The following C4orf17 variants were observed in gnomAD, a reference collection of about 807,000 sequenced individuals.
The protein encoded by C4orf17 is chromosome 4 open reading frame 17.
In C4orf17, 25 loss-of-function variants were observed where a neutral mutation model predicts 32.0. The observed-to-expected ratio is 0.78, with a 90% confidence interval of 0.57 to 1.09. C4orf17 has a LOEUF of 1.09. C4orf17 is among the 50% of genes least tolerant of loss of function. C4orf17 has a pLI of 0.00. For synonymous variants in C4orf17, 149 were observed against 145.8 expected, an observed-to-expected ratio of 1.02 and a Z score of -0.16; for missense variants, 420 against 420.0, an observed-to-expected ratio of 1.00 and a Z score of 0.00.
At chr4:99,523,703 C>A (rs1312513175) in intron 3 of C4orf17, among the ~76,000 whole-genome samples, 2 of 151,960 alleles carry the variant, frequency 1.3e-5, no homozygotes, top group Non-Finnish European at 2.9e-5. Context: ...TCATCTTTTT[C>A]TTTTATCTAT....
intron 2 of C4orf17, among the ~76,000 whole-genome samples, chr4:99,518,546 G>A (rs2851020): frequency 3.4e-5 from 1 of 29,324 alleles, no homozygotes; most frequent in Non-Finnish European, 5.4e-5. Flanking sequence ...TATATATATA[G>A]AGAGAGAGAG....
At chr4:99,528,141 G>T (rs944089397) in intron 4 of C4orf17, among the ~76,000 whole-genome samples, 6 of 152,082 alleles carry the variant, frequency 3.9e-5, no homozygotes, top group Non-Finnish European at 7.4e-5. Flanking sequence ...AAAAATATCT[G>T]CTGGTTCTGT....
chr4:99,535,553 T>C (rs950376883), intron 5 of C4orf17, among the ~76,000 whole-genome samples: 1 of 152,198 alleles, frequency 6.6e-6, no homozygotes, highest in Non-Finnish European at 1.5e-5. Context: ...ACAATTACAT[T>C]GTAAAGTTCT....
rs191974021 is a variant in C4orf17 at position 99,530,220 on chromosome 4, C to A, written c.546+262C>A. Among the ~76,000 whole-genome samples the A allele has an allele frequency of 3.3e-5, 5 of 152,164 alleles. No individual in the cohort carries two copies. In the East Asian group the frequency reaches 9.6e-4, roughly 29 times the overall value. ...TTGGTGTTTATCACACAAACCCAAC[C>A]CTATTCTTTCCATCTTTCGTTATCA... On this transcript the variant is annotated intron_variant, in intron 5 of 8. Coordinates refer to ENST00000326581, the MANE Select transcript of C4orf17 (RefSeq NM_032149.3).
intron 4 of C4orf17, among the ~76,000 whole-genome samples, chr4:99,529,563 G>A (rs1241165646): frequency 6.6e-6 from 1 of 152,062 alleles, no homozygotes; most frequent in Non-Finnish European, 1.5e-5. Flanking sequence ...GTCATACATT[G>A]CATATTACAA....
chr4:99,522,815 T>A lies in C4orf17; in HGVS notation c.337+106T>A, dbSNP rs953246665. 6.0e-6 allele frequency: 5 copies of A among 833,502 alleles called. No individual in the cohort carries two copies. In the African/African-American group the frequency reaches 8.7e-5, roughly 14 times the overall value. 51.6% of individuals were successfully genotyped at this position (833,502 alleles called of 1,614,324 possible). ...TAGCTGCAGTGGTTTTTACATCAAG[T>A]TTCCTCACTGTGAGGAACATAAATT... On this transcript the variant is annotated intron_variant, in intron 3 of 8. Transcript: ENST00000326581.
intron 2 of C4orf17, among the ~76,000 whole-genome samples, chr4:99,514,806 G>T (rs1274316272): frequency 6.6e-6 from 1 of 152,156 alleles, no homozygotes; most frequent in Non-Finnish European, 1.5e-5. Context: ...ACATGTACAT[G>T]CATGTTTATA....
At chr4:99,538,930 G>T (rs1723607916) in intron 6 of C4orf17, among the ~76,000 whole-genome samples, 1 of 152,142 alleles carries the variant, frequency 6.6e-6, no homozygotes, top group African/African-American at 2.4e-5. Flanking sequence ...GCTATTCAGG[G>T]ACAAGTGCCT....
At chr4:99,511,866 T>C (rs114953841) in intron 1 of C4orf17, among the ~76,000 whole-genome samples, 2,845 of 152,286 alleles carry the variant, frequency 0.019, 35 homozygotes, top group Admixed American at 0.026. Context: ...TAGATAGATA[T>C]TTTCTGCATT....
intron 4 of C4orf17, 142 bp from the exon 5 acceptor site, chr4:99,529,673 G>T: frequency 1.8e-6 from 1 of 555,498 alleles, no homozygotes; most frequent in South Asian, 4.1e-5. Flanking sequence ...ATATTTGATA[G>T]CTTAAGATAA....
intron 5 of C4orf17, chr4:99,535,967 A>G: frequency 2.3e-6 from 1 of 430,118 alleles, no homozygotes; most frequent in Non-Finnish European, 4.6e-6. Context: ...CTAACAGGCC[A>G]CTCTTCTGTA....
rs1723583800 is a variant in C4orf17, at chr4:99,537,664, G to A, written c.547-5G>A. 6.2e-7 allele frequency: 1 copy of A among 1,608,832 alleles called. No homozygotes were observed. The highest frequency in any genetic ancestry group is 8.5e-7 in the Non-Finnish European group (1 of 1,176,998). The stretch of plus-strand genomic sequence containing the variant: ...CTCATATGTAACTCTAATGTTCTCT[G>A]TCAGATCCTGGCAAAGCTCTGTAGC... On this transcript the variant is annotated splice_polypyrimidine_tract_variant and splice_region_variant and intron_variant, in intron 5 of 8. Coordinates refer to ENST00000326581, the MANE Select transcript of C4orf17 (RefSeq NM_032149.3).
At chr4:99,533,006 G>A (rs1194179303) in intron 5 of C4orf17, among the ~76,000 whole-genome samples, 2 of 152,098 alleles carry the variant, frequency 1.3e-5, no homozygotes, top group Non-Finnish European at 2.9e-5. Context: ...TTAAAACAAC[G>A]AACAACAATT....
rs199746540 is a variant in C4orf17, at chr4:99,522,626, C to T, written c.254C>T (p.Ser85Phe). 1 of 1,613,922 alleles carries T rather than the reference C, an allele frequency of 6.2e-7. No individual in the cohort carries two copies. Among genetic ancestry groups the T allele is most frequent in the South Asian group, 1.1e-5 (1 of 91,066 alleles). The change falls in exon 3 of 9, where the codon TCC becomes TTC. Residue 85 changes from serine (S) to phenylalanine (F), a missense_variant. Coordinates refer to ENST00000326581, the MANE Select transcript of C4orf17 (RefSeq NM_032149.3). ...RIPFANCSYP[S>F]STAVQESPVR... ...CCATTTGCCAATTGCAGTTACCCCT[C>T]CAGCACTGCAGTCCAGGAGAGCCCT...
intron 2 of C4orf17, among the ~76,000 whole-genome samples, chr4:99,516,755 A>G (rs1046591191): frequency 2.0e-5 from 3 of 152,216 alleles, no homozygotes; most frequent in African/African-American, 7.2e-5. Context: ...ATAAGAGGCC[A>G]GATTTAGGCA....
At chr4:99,529,248 G>T (rs1279479310) in intron 4 of C4orf17, among the ~76,000 whole-genome samples, 1 of 152,140 alleles carries the variant, frequency 6.6e-6, no homozygotes, top group Non-Finnish European at 1.5e-5. Context: ...GGACTTAAAA[G>T]CTCCCAGAAC....
chr4:99,525,367 G>T (rs749417372), intron 4 of C4orf17, among the ~76,000 whole-genome samples: 33 of 152,114 alleles, frequency 2.2e-4, no homozygotes, highest in Non-Finnish European at 4.4e-4. Flanking sequence ...CCAGCCTACT[G>T]GGTATGTAGT....
rs116804094 is a variant in C4orf17 at position 99,522,671 on chromosome 4, C to A, written c.299C>A (p.Ala100Asp). The A allele has an allele frequency of 2.2e-3, 3,619 of 1,613,768 alleles. 11 individuals carry two copies. The highest frequency in any genetic ancestry group is 2.7e-3 in the Non-Finnish European group (3,237 of 1,179,792). ...QESPVRGMSP[A>D]PNGAKVPPRP... ...AGCCCTGTAAGAGGAATGTCGCCAG[C>A]CCCAAACGGTGCCAAAGTGCCTCCA... The change falls in exon 3 of 9, where the codon GCC becomes GAC. Residue 100 changes from alanine (A) to aspartate (D), a missense_variant. Transcript: ENST00000326581.
At chr4:99,518,544 T>TAGAGAGAGAGAGAGAG (rs70958313) in intron 2 of C4orf17, among the ~76,000 whole-genome samples, 1 of 36,830 alleles carries the variant, frequency 2.7e-5, no homozygotes, top group Non-Finnish European at 4.5e-5. Flanking sequence ...TATATATATA[T>TAGAGAGAGAGAGAGAG]AGAGAGAGAG....
Sources: allele counts gnomAD v4.1 joint callset (sites outside exome capture counted in the v4.1 genomes callset), GRCh38; gene constraint gnomAD v4.1.1; transcripts MANE v1.5; gene names NCBI Gene and HGNC (gene_info 2026-07-23, HGNC 2026-07-21).